Variants in SEC14L5 observed in about 807,000 individuals in gnomAD.
SEC14L5 encodes the protein SEC14-like protein 5.
SEC14L5 carries 96 observed loss-of-function variants against 84.6 expected under a neutral mutation model. That is an observed-to-expected ratio of 1.13 (90% confidence interval 0.96 to 1.34). SEC14L5 has a LOEUF of 1.34. Among genes scored for constraint, SEC14L5 ranks in the 40% most tolerant of loss-of-function variants. SEC14L5 has a pLI of 0.00. For synonymous variants in SEC14L5, 546 were observed against 383.4 expected, an observed-to-expected ratio of 1.42 and a Z score of -4.95; for missense variants, 1,224 against 942.5, an observed-to-expected ratio of 1.30 and a Z score of -3.91.
intron 1 of SEC14L5, 43 bp from the exon 2 acceptor site, chr16:4,959,230 C>A: frequency 1.1e-6 from 1 of 945,834 alleles, no homozygotes; most frequent in Non-Finnish European, 1.7e-6. Flanking sequence ...TCCCTGCTTC[C>A]CGAGGTGGGA....
rs4786577 is a variant in SEC14L5, at chr16:5,006,619, T to G, written c.1437+571T>G. Among the ~76,000 whole-genome samples the G allele has an allele frequency of 0.015, 2,293 of 152,308 alleles. 191 individuals are homozygous for G. In the East Asian group the frequency reaches 0.24, roughly 16 times the overall value. On this transcript the variant is annotated intron_variant, in intron 12 of 15. Transcript: ENST00000251170. ...ATGGCCCCCAGTGGCCCGGGCCCTC[T>G]TTGTTTCTAACAGAAATACCAGACA... is the stretch of plus-strand genomic sequence containing the variant.
chr16:4,988,022 G>A, intron 3 of SEC14L5, 127 bp from the exon 4 acceptor site: 2 of 1,014,348 alleles, frequency 2.0e-6, no homozygotes, highest in Non-Finnish European at 2.9e-6. Flanking sequence ...GGCTGGGTGG[G>A]CGGTGGCGCA....
intron 2 of SEC14L5, among the ~76,000 whole-genome samples, chr16:4,979,186 T>C (rs1334958461): frequency 6.6e-6 from 1 of 151,802 alleles, no homozygotes; most frequent in Admixed American, 6.6e-5. Context: ...CAGAAATGGG[T>C]TGAGTATGAG....
intron 12 of SEC14L5, among the ~76,000 whole-genome samples, chr16:5,006,753 C>G (rs548468125): frequency 6.6e-6 from 1 of 152,222 alleles, no homozygotes; most frequent in Non-Finnish European, 1.5e-5. Context: ...TTATTTTTAG[C>G]AAACGGTTCT....
intron 3 of SEC14L5, 142 bp from the exon 4 acceptor site, chr16:4,988,007 G>T (rs1414512095): frequency 1.0e-5 from 9 of 903,324 alleles, no homozygotes; most frequent in Non-Finnish European, 1.3e-5. Context: ...GGTGTCCTGG[G>T]TCCGGGCTGG....
At chr16:4,979,546 T>C (rs1955393736) in intron 2 of SEC14L5, among the ~76,000 whole-genome samples, 2 of 152,138 alleles carry the variant, frequency 1.3e-5, no homozygotes, top group Non-Finnish European at 2.9e-5. Context: ...TCCAAATGTG[T>C]CCTTTTGGTA....
chr16:4,974,666 A>G (rs1009779294), intron 2 of SEC14L5, among the ~76,000 whole-genome samples: 1 of 152,038 alleles, frequency 6.6e-6, no homozygotes, highest in African/African-American at 2.4e-5. Context: ...TGCACCTGTC[A>G]CACAAGCAGT....
At chr16:4,959,469 C>G (rs547458028) in intron 2 of SEC14L5, 83 bp downstream of exon 2, 5 of 1,157,212 alleles carry the variant, frequency 4.3e-6, no homozygotes, top group Non-Finnish European at 6.5e-6. Flanking sequence ...GACGGAGCTC[C>G]TTAGACTCCC....
rs1596611177 is a variant in SEC14L5 at position 4,963,752 on chromosome 16, C to CAAGCCATCCTCCTGCCTT, written c.63+4368_63+4385dup. Reference sequence around the variant, plus strand: ...CACTGCAGCCTTGAACTCCTGGGCTCAAGCCATCCTCCTGCCTTAGTCTCC... The same window carrying CAAGCCATCCTCCTGCCTT: ...CACTGCAGCCTTGAACTCCTGGGCTCAAGCCATCCTCCTGCCTTAAGCCATCCTCCTGCCTTAGTCTCC... On this transcript the variant is annotated intron_variant, in intron 2 of 15. Transcript: ENST00000251170. Among the ~76,000 whole-genome samples, 10 of 152,316 alleles carry CAAGCCATCCTCCTGCCTT rather than the reference C, an allele frequency of 6.6e-5. No homozygotes were observed. In the East Asian group the frequency reaches 1.9e-3, roughly 29 times the overall value.
intron 2 of SEC14L5, among the ~76,000 whole-genome samples, chr16:4,972,885 C>T (rs779098068): frequency 5.3e-5 from 8 of 152,146 alleles, no homozygotes; most frequent in Admixed American, 2.0e-4. Context: ...TGGCATTGTC[C>T]CTTTAATTGC....
At chr16:5,006,420 T>C (rs1317855623) in intron 12 of SEC14L5, among the ~76,000 whole-genome samples, 1 of 152,176 alleles carries the variant, frequency 6.6e-6, no homozygotes, top group Non-Finnish European at 1.5e-5. Context: ...GTGACTCGAA[T>C]GTATCTGCAG....
intron 6 of SEC14L5, among the ~76,000 whole-genome samples, chr16:4,994,596 G>T (rs988402895): frequency 1.3e-5 from 2 of 151,942 alleles, no homozygotes; most frequent in African/African-American, 2.4e-5. Context: ...CTCCTGCCTT[G>T]GTCTCCCAAA....
intron 2 of SEC14L5, among the ~76,000 whole-genome samples, chr16:4,963,935 C>T (rs2142471017): frequency 6.6e-6 from 1 of 152,356 alleles, no homozygotes; most frequent in East Asian, 1.9e-4. Flanking sequence ...GATCCTCCCA[C>T]CCTGGCCTCC....
intron 6 of SEC14L5, among the ~76,000 whole-genome samples, chr16:4,994,240 A>G (rs139363441): frequency 1.4e-3 from 214 of 152,332 alleles, no homozygotes; most frequent in African/African-American, 5.0e-3. Context: ...CTTTAGGGCC[A>G]CTGCCGTGCA....
rs1490942856 is a variant in SEC14L5, at chr16:4,958,445, G to T, written c.-52G>T. 6.8e-6 allele frequency: 1 copy of T among 147,064 alleles called. No individual in the cohort carries two copies. The highest frequency in any genetic ancestry group is 2.1e-4 in the East Asian group (1 of 4,792). 9.1% of individuals were successfully genotyped at this position (147,064 alleles called of 1,614,324 possible). On this transcript the variant is annotated splice_region_variant and 5_prime_UTR_variant, in exon 1 of 16. The change creates a new upstream start codon in the 5' untranslated region. Transcript: ENST00000251170. ...AGATCCGCGATCGGGCCCCGCCTCA[G>T]GTACTGCGCTCCAGGCCAGGCGGGC...
At position 5,018,190 on chromosome 16, in the gene SEC14L5, C is replaced by G. The variant is rs1295201582; in HGVS notation, c.*3220C>G. ...AGCTGTAAAGCTTTCAGCACAGCTCCCAGAACACAGAAAGCGCTCCATTAA... is the reference window on the plus strand; with the variant it reads ...AGCTGTAAAGCTTTCAGCACAGCTCGCAGAACACAGAAAGCGCTCCATTAA... On this transcript the variant is annotated 3_prime_UTR_variant, in exon 16 of 16. Transcript: ENST00000251170. The G allele has an allele frequency of 1.3e-5, 2 of 152,222 alleles. No homozygotes were observed. Among genetic ancestry groups the G allele is most frequent in the African/African-American group, 4.8e-5 (2 of 41,448 alleles). 9.4% of individuals were successfully genotyped at this position (152,222 alleles called of 1,614,324 possible).
intron 12 of SEC14L5, among the ~76,000 whole-genome samples, chr16:5,006,352 C>T (rs1246831503): frequency 6.6e-6 from 1 of 152,212 alleles, no homozygotes; most frequent in Admixed American, 6.5e-5. Context: ...ATTCTATATT[C>T]CCATCAAAGA....
chr16:4,971,058 T>A (rs888742291), intron 2 of SEC14L5, among the ~76,000 whole-genome samples: 1 of 149,560 alleles, frequency 6.7e-6, no homozygotes, highest in Non-Finnish European at 1.5e-5. Flanking sequence ...AGAGCCGAGA[T>A]TGCACCACTG....
chr16:4,982,208 GC>G (rs559364877), intron 2 of SEC14L5, among the ~76,000 whole-genome samples: 48 of 151,142 alleles, frequency 3.2e-4, no homozygotes, highest in Admixed American at 6.6e-4. Flanking sequence ...TTCTTCCTCG[GC>G]CCCCCCCTCC....
Sources: allele counts gnomAD v4.1 joint callset (sites outside exome capture counted in the v4.1 genomes callset), GRCh38; gene constraint gnomAD v4.1.1; transcripts MANE v1.5; gene names NCBI Gene and HGNC (gene_info 2026-07-23, HGNC 2026-07-21).